PEX7: variants seen among roughly 807,000 people sequenced by gnomAD.
The protein encoded by PEX7 is peroxisomal biogenesis factor 7.
Under a neutral mutation model 47.5 loss-of-function variants are expected in PEX7, and 34 were observed. The observed-to-expected ratio is 0.72, with a 90% confidence interval of 0.54 to 0.95. PEX7 has a LOEUF of 0.95. Ranked by LOEUF, PEX7 falls within the 40% of genes least tolerant of loss-of-function variation. The pLI is 0.00. For missense variants in PEX7, 394 were observed against 400.3 expected (o/e 0.98, Z 0.13); for synonymous variants, 141 against 148.8 (o/e 0.95, Z 0.38).
At chr6:136,846,857 G>T (rs1230356069) in intron 5 of PEX7, among the ~76,000 whole-genome samples, 2 of 152,196 alleles carry the variant, frequency 1.3e-5, no homozygotes, top group Non-Finnish European at 2.9e-5. Flanking sequence ...TATATATCCA[G>T]TAAATGGAAT....
At chr6:136,906,775 T>G (rs529780122) in intron 9 of PEX7, among the ~76,000 whole-genome samples, 22 of 152,316 alleles carry the variant, frequency 1.4e-4, no homozygotes, top group Admixed American at 1.3e-3. Flanking sequence ...GTGATGCTTT[T>G]AAACCACTCT....
intron 5 of PEX7, among the ~76,000 whole-genome samples, chr6:136,859,659 C>T (rs967148919): frequency 6.6e-6 from 1 of 152,114 alleles, no homozygotes; most frequent in Non-Finnish European, 1.5e-5. Flanking sequence ...GCAACTTCCT[C>T]GTACCTGCTG....
rs971998661 is a variant in PEX7, at chr6:136,903,195, G to A, written c.903+4954G>A. Among the ~76,000 whole-genome samples the A allele has an allele frequency of 3.3e-5, 5 of 152,182 alleles. No individual in the cohort carries two copies. The East Asian group carries it at 9.6e-4, about 29-fold the overall frequency. On this transcript the variant is annotated intron_variant, in intron 9 of 9. Coordinates refer to ENST00000318471, the MANE Select transcript of PEX7 (RefSeq NM_000288.4). ...CTACCCCTGTATAACCACTATCCAC[G>A]TTGAGATACAGAACATCGCTTGCAT...
At position 136,825,217 on chromosome 6, in the gene PEX7, G is replaced by A. The variant is rs2115129058; in HGVS notation, c.134G>A (p.Cys45Tyr). ...ATAQHYGIAG[C>Y]GTLLILDPDE... ...CCTTGATTTTTTTTCTCTTTAGGCTGTGGAACCCTACTAATATTGGATCCA... is the reference window on the plus strand; with the variant it reads ...CCTTGATTTTTTTTCTCTTTAGGCTATGGAACCCTACTAATATTGGATCCA... The change falls in exon 2 of 10, where the codon TGT (cysteine) becomes TAT (tyrosine). Residue 45 changes from cysteine to tyrosine, a missense_variant. Physicochemically the swap from Cys to Tyr is radical, Grantham distance 194 (BLOSUM62 -2). Coordinates refer to ENST00000318471, the MANE Select transcript of PEX7 (RefSeq NM_000288.4). The A allele has an allele frequency of 3.1e-6, 5 of 1,613,574 alleles. No homozygotes were observed. Among genetic ancestry groups the A allele is most frequent in the Non-Finnish European group, 4.2e-6 (5 of 1,179,554 alleles).
chr6:136,899,748 C>T (rs538185129), intron 9 of PEX7, among the ~76,000 whole-genome samples: 1 of 152,076 alleles, frequency 6.6e-6, no homozygotes, highest in Admixed American at 6.6e-5. Flanking sequence ...TAGAATGTTC[C>T]CATTAACATT....
intron 8 of PEX7, among the ~76,000 whole-genome samples, chr6:136,889,574 A>T (rs6922703): frequency 0.047 from 7,198 of 152,272 alleles, 352 homozygotes; most frequent in African/African-American, 0.12. Flanking sequence ...GGACTTTCTA[A>T]ATTAATTTGC....
intron 1 of PEX7, chr6:136,823,074 C>T (rs1774112776): frequency 3.0e-6 from 3 of 985,350 alleles, no homozygotes; most frequent in Non-Finnish European, 3.6e-6. Flanking sequence ...GCTGCCTCCG[C>T]CACGTGTCAC....
chr6:136,874,556 C>T (rs1045358553), intron 8 of PEX7, among the ~76,000 whole-genome samples: 2 of 151,350 alleles, frequency 1.3e-5, no homozygotes, highest in Non-Finnish European at 2.9e-5. Context: ...CCTGTAATCC[C>T]AGCTACTTGG....
At chr6:136,831,216 A>G (rs941295414) in intron 3 of PEX7, among the ~76,000 whole-genome samples, 6 of 152,158 alleles carry the variant, frequency 3.9e-5, no homozygotes, top group African/African-American at 1.4e-4. Context: ...CAGAAGGTGA[A>G]GGGGAAGTAG....
chr6:136,870,412 T>TA (rs1775153112), intron 7 of PEX7, among the ~76,000 whole-genome samples: 1 of 152,236 alleles, frequency 6.6e-6, no homozygotes, highest in Non-Finnish European at 1.5e-5. Context: ...CATGATAACA[T>TA]ACATGACTGT....
chr6:136,837,171 T>C (rs761243690), intron 3 of PEX7, among the ~76,000 whole-genome samples: 24 of 151,566 alleles, frequency 1.6e-4, no homozygotes, highest in Non-Finnish European at 3.1e-4. Context: ...CCATCCTGGC[T>C]AACACGGTGA....
chr6:136,840,420 T>G (rs751979091), intron 3 of PEX7, among the ~76,000 whole-genome samples: 6 of 152,132 alleles, frequency 3.9e-5, no homozygotes, highest in Non-Finnish European at 8.8e-5. Flanking sequence ...CATCCCTAAG[T>G]CATGCATAGT....
intron 8 of PEX7, among the ~76,000 whole-genome samples, chr6:136,896,693 A>G (rs566283073): frequency 6.6e-6 from 1 of 152,222 alleles, no homozygotes; most frequent in South Asian, 2.1e-4. Flanking sequence ...ATTTTCCTTT[A>G]ACTCATTTTT....
intron 9 of PEX7, among the ~76,000 whole-genome samples, chr6:136,903,914 C>A (rs976906583): frequency 2.0e-5 from 3 of 151,770 alleles, no homozygotes; most frequent in African/African-American, 7.3e-5. Flanking sequence ...TCAAGTGATC[C>A]TCCCACCTCA....
intron 3 of PEX7, among the ~76,000 whole-genome samples, chr6:136,837,951 TAAAC>T (rs912870493): frequency 1.3e-5 from 2 of 152,340 alleles, no homozygotes; most frequent in African/African-American, 2.4e-5. Flanking sequence ...TGAAAATTGA[TAAAC>T]AAAAGTAAAG....
chr6:136,888,255 A>G (rs1263712375), intron 8 of PEX7, among the ~76,000 whole-genome samples: 2 of 152,116 alleles, frequency 1.3e-5, no homozygotes, highest in Non-Finnish European at 2.9e-5. Context: ...TCAAATGATC[A>G]TTTTACCTCA....
At chr6:136,843,235 T>C (rs971388909) in intron 3 of PEX7, among the ~76,000 whole-genome samples, 1 of 152,224 alleles carries the variant, frequency 6.6e-6, no homozygotes, top group African/African-American at 2.4e-5. Flanking sequence ...GGCCTTGATA[T>C]AGTATCTACT....
chr6:136,913,285 TA>T (rs2115299858), intron 9 of PEX7, among the ~76,000 whole-genome samples, 172 bp from the exon 10 acceptor site: 1 of 152,320 alleles, frequency 6.6e-6, no homozygotes, highest in South Asian at 2.1e-4. Context: ...AGGTATATCC[TA>T]AAAAGGGAAT....
At chr6:136,835,405 C>T (rs1774368100) in intron 3 of PEX7, among the ~76,000 whole-genome samples, 1 of 152,014 alleles carries the variant, frequency 6.6e-6, no homozygotes, top group Admixed American at 6.5e-5. Flanking sequence ...TCTCCTGCCT[C>T]AGCCTCTTGA....
Sources: allele counts gnomAD v4.1 joint callset (sites outside exome capture counted in the v4.1 genomes callset), GRCh38; gene constraint gnomAD v4.1.1; transcripts MANE v1.5; gene names NCBI Gene and HGNC (gene_info 2026-07-23, HGNC 2026-07-21).